LARGE1: variants seen among roughly 807,000 people sequenced by gnomAD.
LARGE1 encodes the protein LARGE xylosyl- and glucuronyltransferase 1, also known as xylosyl- and glucuronyltransferase LARGE1.
LARGE1 carries 43 observed loss-of-function variants against 87.6 expected under a neutral mutation model. That is an observed-to-expected ratio of 0.49 (90% CI 0.38 to 0.63). LARGE1 has a LOEUF of 0.63. LARGE1 is among the 30% of genes least tolerant of loss of function. The pLI is 0.00. For synonymous variants in LARGE1, 434 were observed against 394.6 expected (o/e 1.10, Z -1.18); for missense variants, 802 against 1,000.2 (o/e 0.80, Z 2.67).
intron 3 of LARGE1, among the ~76,000 whole-genome samples, chr22:33,629,905 G>A (rs2080049038): frequency 6.6e-6 from 1 of 152,100 alleles, no homozygotes; most frequent in Non-Finnish European, 1.5e-5. Flanking sequence ...CACCATCACT[G>A]CAGGCTAATT....
intron 8 of LARGE1, among the ~76,000 whole-genome samples, chr22:33,382,910 T>C (rs1043573670): frequency 6.6e-6 from 1 of 152,142 alleles, no homozygotes; most frequent in African/African-American, 2.4e-5. Flanking sequence ...TATCTCATGT[T>C]TGAAAAAGGA....
At position 33,203,046 on chromosome 22, in the gene LARGE1, C is replaced by T. The variant is rs1924476575; in HGVS notation, c.1731-36214G>A. ...CTGAAGTTTGACAGGCAAGATAGAA[C>T]CTAGAAAAATAGAATCTAAACTCTC... On this transcript the variant is annotated intron_variant, in intron 11 of 11. Transcript: ENST00000608642. Among the ~76,000 whole-genome samples, 2 of 148,746 alleles carry T rather than the reference C, an allele frequency of 1.3e-5. 1 individual carries two copies. Among genetic ancestry groups the T allele is most frequent in the African/African-American group, 5.0e-5 (2 of 40,342 alleles).
chr22:33,620,630 A>G (rs978000441), intron 4 of LARGE1, among the ~76,000 whole-genome samples: 2 of 152,312 alleles, frequency 1.3e-5, no homozygotes, highest in South Asian at 4.1e-4. Context: ...GAAAACAAAA[A>G]CAAGATTACG....
At chr22:33,167,921 T>C (rs12165385) in intron 11 of LARGE1, among the ~76,000 whole-genome samples, 5,803 of 152,256 alleles carry the variant, frequency 0.038, 388 homozygotes, top group African/African-American at 0.13. Flanking sequence ...AGGATCTGCA[T>C]ACCCCAATTA....
chr22:33,712,872 G>C (rs1016982703), intron 2 of LARGE1, among the ~76,000 whole-genome samples: 1 of 152,148 alleles, frequency 6.6e-6, no homozygotes, highest in African/African-American at 2.4e-5. Flanking sequence ...TTAGGAATTT[G>C]CTCTGCATAA....
the LARGE1 span, among the ~76,000 whole-genome samples, chr22:33,067,915 G>A: frequency 2.6e-5 from 4 of 152,242 alleles, no homozygotes; most frequent in East Asian, 1.9e-4. Context: ...GGGAGGCAGA[G>A]GTTGCAGTGA....
At chr22:33,797,999 G>A (rs2086039210) in intron 1 of LARGE1, among the ~76,000 whole-genome samples, 1 of 152,220 alleles carries the variant, frequency 6.6e-6, no homozygotes, top group African/African-American at 2.4e-5. Context: ...TTGGCCGGGT[G>A]CAGTGGCTTA....
chr22:33,160,893 G>A (rs1395480724), downstream of LARGE1, among the ~76,000 whole-genome samples: 2 of 152,264 alleles, frequency 1.3e-5, no homozygotes, highest in Non-Finnish European at 2.9e-5. Flanking sequence ...AAGTAGCAGA[G>A]TGAAGATTTG....
At chr22:33,649,752 T>C (rs1356549612) in intron 3 of LARGE1, among the ~76,000 whole-genome samples, 1 of 152,214 alleles carries the variant, frequency 6.6e-6, no homozygotes, top group Non-Finnish European at 1.5e-5. Context: ...TGTATGTGTG[T>C]TCACTGCACA....
intron 2 of LARGE1, among the ~76,000 whole-genome samples, chr22:33,657,629 T>G (rs902148246): frequency 2.6e-5 from 4 of 152,090 alleles, no homozygotes; most frequent in Admixed American, 2.0e-4. Context: ...CCATAGATTA[T>G]GGATCCTGTC....
chr22:33,389,847 AAACCAACCAACC>A (rs143324200), intron 7 of LARGE1, among the ~76,000 whole-genome samples: 30,993 of 139,964 alleles, frequency 0.22, 3,371 homozygotes, highest in South Asian at 0.37. Flanking sequence ...TCAGTCTCAA[AAACCAACCAACC>A]AACCAACCAA....
At chr22:33,085,540 C>A in the LARGE1 span, among the ~76,000 whole-genome samples, 2 of 152,080 alleles carry the variant, frequency 1.3e-5, no homozygotes, top group African/African-American at 4.8e-5. Flanking sequence ...ACATTGGGTT[C>A]AAAAGGGTAT....
intron 1 of LARGE1, among the ~76,000 whole-genome samples, chr22:33,854,874 C>T (rs970410424): frequency 4.6e-5 from 7 of 152,156 alleles, no homozygotes; most frequent in Admixed American, 4.6e-4. Flanking sequence ...GGCGAAGGTG[C>T]TGTGGGGTGC....
In LARGE1 at chr22:33,564,914, G is replaced by C. The variant is rs1049919338; in HGVS notation, c.721C>G (p.Leu241Val). ...GTGGCAAAGGTGATATCCGTGTCAA[G>C]GACGATGACTCTCTCCAGGTTGGCA... Reference protein sequence around the residue: ...LPANLERVIVLDTDITFATDI... With the variant: ...LPANLERVIVVDTDITFATDI... Residue 241 changes from leucine to valine, a missense_variant, in exon 6 of 15, where the codon CTT (leucine) becomes GTT (valine). Physicochemically the swap from Leu to Val is conservative, Grantham distance 32. Coordinates refer to ENST00000397394, the MANE Select transcript of LARGE1 (RefSeq NM_133642.5). 2 of 1,614,062 alleles carry C rather than the reference G, an allele frequency of 1.2e-6. No homozygotes were observed. The highest frequency in any genetic ancestry group is 1.7e-6 in the Non-Finnish European group (2 of 1,180,022).
At chr22:33,572,947 T>C (rs2078250360) in intron 5 of LARGE1, among the ~76,000 whole-genome samples, 1 of 152,208 alleles carries the variant, frequency 6.6e-6, no homozygotes, top group South Asian at 2.1e-4. Flanking sequence ...TGGGTTTGAA[T>C]ACTGGCTCCA....
chr22:33,123,617 T>A, the LARGE1 span, among the ~76,000 whole-genome samples: 2 of 152,134 alleles, frequency 1.3e-5, no homozygotes, highest in African/African-American at 4.8e-5. Context: ...GAGCTATGAA[T>A]GGGTAGTAGA....
At chr22:33,398,438 A>C (rs985015566) in intron 7 of LARGE1, among the ~76,000 whole-genome samples, 36 of 152,240 alleles carry the variant, frequency 2.4e-4, no homozygotes, top group African/African-American at 8.4e-4. Flanking sequence ...TCTATAGTCA[A>C]TCTGTTTAAG....
At chr22:33,621,312 G>A (rs911815178) in intron 4 of LARGE1, among the ~76,000 whole-genome samples, 1 of 152,078 alleles carries the variant, frequency 6.6e-6, no homozygotes, top group Non-Finnish European at 1.5e-5. Context: ...CTGGGTCAAG[G>A]TCTTCCCACA....
intron 11 of LARGE1, among the ~76,000 whole-genome samples, chr22:33,247,728 C>T (rs1266374667): frequency 2.6e-5 from 4 of 152,066 alleles, no homozygotes; most frequent in Non-Finnish European, 5.9e-5. Flanking sequence ...GGGAATCTTC[C>T]AATATTGATG....
Sources: gnomAD v4.1 joint callset for allele counts (sites outside exome capture counted in the v4.1 genomes callset) on GRCh38, gnomAD v4.1.1 for gene constraint, MANE v1.5 for transcripts, NCBI Gene and HGNC (gene_info 2026-07-23, HGNC 2026-07-21) for gene names.